Variants in SORL1 observed in about 807,000 individuals in gnomAD.
SORL1 encodes sortilin-related receptor.
Under a neutral mutation model 273.7 loss-of-function variants are expected in SORL1, and 127 were observed. The ratio of observed to expected loss-of-function variants is 0.46; its 90% CI spans 0.40 to 0.54. The LOEUF is 0.54. SORL1 is among the 20% of genes least tolerant of loss of function. SORL1 has a pLI of 0.00. For missense variants in SORL1, 2,494 were observed against 2,846.1 expected (o/e 0.88, Z 2.81); for synonymous variants, 1,031 against 1,067.4 (o/e 0.97, Z 0.66).
intron 2 of SORL1, among the ~76,000 whole-genome samples, chr11:121,477,388 C>A (rs926138403): frequency 2.0e-5 from 3 of 152,188 alleles, no homozygotes; most frequent in African/African-American, 7.2e-5. Flanking sequence ...TTTTGGGCAC[C>A]ATTCAACAGA....
chr11:121,619,145 A>G (rs912201958), intron 42 of SORL1, among the ~76,000 whole-genome samples: 1 of 152,230 alleles, frequency 6.6e-6, no homozygotes, highest in Non-Finnish European at 1.5e-5. Context: ...TAGATAAATC[A>G]AAAATTTTTA....
At position 121,614,976 on chromosome 11, in the gene SORL1, GCCC is replaced by G; in HGVS notation, c.5526_5528del (p.Pro1844del). 6.2e-7 allele frequency: 1 copy of G among 1,613,550 alleles called. No individual in the cohort carries two copies. Among genetic ancestry groups the G allele is most frequent in the South Asian group, 1.1e-5 (1 of 90,950 alleles). On this transcript the variant is annotated inframe_deletion, in exon 41 of 48. Transcript: ENST00000260197. Reference sequence around the variant, plus strand: ...GAGCATGTTATGACCAGAGGGGTTCGCCCACCTGCACCTAGCCTCAAGGCCAAA... The same window carrying G: ...GAGCATGTTATGACCAGAGGGGTTCGACCTGCACCTAGCCTCAAGGCCAAA...
intron 23 of SORL1, among the ~76,000 whole-genome samples, chr11:121,571,204 C>T (rs1037606242): frequency 6.6e-6 from 1 of 152,226 alleles, no homozygotes; most frequent in Non-Finnish European, 1.5e-5. Context: ...TGGGCAGGCC[C>T]TAGCAAAGAG....
At chr11:121,500,599 C>A (rs1861696067) in intron 6 of SORL1, among the ~76,000 whole-genome samples, 1 of 152,156 alleles carries the variant, frequency 6.6e-6, no homozygotes, top group Non-Finnish European at 1.5e-5. Context: ...GCTCCAAAAG[C>A]CTAAAATATC....
intron 30 of SORL1, chr11:121,590,581 G>A (rs1441112318): frequency 3.5e-6 from 2 of 575,048 alleles, no homozygotes; most frequent in African/African-American, 3.8e-5. Flanking sequence ...CATGTGGAAT[G>A]CAGACTTGCC....
At chr11:121,542,882 A>G (rs1862367523) in intron 12 of SORL1, among the ~76,000 whole-genome samples, 1 of 150,810 alleles carries the variant, frequency 6.6e-6, no homozygotes, top group African/African-American at 2.4e-5. Flanking sequence ...TTCTAATATA[A>G]GAAAAAAATT....
chr11:121,613,541 CTTT>C (rs58079623), intron 40 of SORL1, among the ~76,000 whole-genome samples: 1 of 147,004 alleles, frequency 6.8e-6, no homozygotes, highest in Non-Finnish European at 1.5e-5. Flanking sequence ...TCTATTGTTA[CTTT>C]TTTTTTTTAA....
At chr11:121,599,564 A>G (rs114705358) in intron 32 of SORL1, among the ~76,000 whole-genome samples, 545 of 152,276 alleles carry the variant, frequency 3.6e-3, no homozygotes, top group African/African-American at 0.012. Context: ...AATAAACCAA[A>G]TAAATTCAGA....
intron 5 of SORL1, among the ~76,000 whole-genome samples, chr11:121,493,332 C>A (rs1203074898): frequency 6.6e-6 from 1 of 152,156 alleles, no homozygotes; most frequent in Non-Finnish European, 1.5e-5. Flanking sequence ...TCTTGGCTCA[C>A]AGCAACCTCT....
At chr11:121,487,275 G>T (rs2134809647) in intron 3 of SORL1, among the ~76,000 whole-genome samples, 1 of 152,342 alleles carries the variant, frequency 6.6e-6, no homozygotes. Context: ...CTGAGCGTCT[G>T]GTCCGTGGTG....
At chr11:121,453,498 T>C (rs17125349) in intron 1 of SORL1, among the ~76,000 whole-genome samples, 8,345 of 151,920 alleles carry the variant, frequency 0.055, 683 homozygotes, top group African/African-American at 0.18. Flanking sequence ...GCAGTTAAGA[T>C]TGACATCAGC....
intron 32 of SORL1, among the ~76,000 whole-genome samples, chr11:121,599,899 A>G (rs1863360796): frequency 6.6e-6 from 1 of 151,014 alleles, no homozygotes; most frequent in South Asian, 2.1e-4. Context: ...TTTGTTTTTC[A>G]CTTTGCTTTA....
chr11:121,506,329 A>T (rs189494273), intron 6 of SORL1, among the ~76,000 whole-genome samples: 1 of 152,278 alleles, frequency 6.6e-6, no homozygotes, highest in East Asian at 1.9e-4. Flanking sequence ...GACATACCCA[A>T]CACTGGGCAA....
chr11:121,486,122 T>C (rs1861467621), intron 3 of SORL1, among the ~76,000 whole-genome samples: 1 of 152,198 alleles, frequency 6.6e-6, no homozygotes, highest in Admixed American at 6.5e-5. Context: ...TTCGAGAAAG[T>C]GTCCTTGGGC....
intron 14 of SORL1, 29 bp from the exon 15 acceptor site, chr11:121,549,931 G>T (rs376639440): frequency 6.2e-7 from 1 of 1,610,272 alleles, no homozygotes; most frequent in Non-Finnish European, 8.5e-7. Flanking sequence ...TAAAACCGTG[G>T]CCTTAACAAA....
chr11:121,585,500 T>TACACACACACACACAC (rs58254356), intron 26 of SORL1, among the ~76,000 whole-genome samples: 18 of 137,486 alleles, frequency 1.3e-4, no homozygotes, highest in African/African-American at 4.2e-4. Context: ...AAAATGTATA[T>TACACACACACACACAC]ACACACACAC....
intron 32 of SORL1, among the ~76,000 whole-genome samples, chr11:121,603,287 C>G (rs180779638): frequency 6.6e-6 from 1 of 152,154 alleles, no homozygotes; most frequent in Non-Finnish European, 1.5e-5. Context: ...CCTTCCTTGT[C>G]CAGGACTGGG....
At chr11:121,477,791 A>G (rs1445109642) in intron 2 of SORL1, among the ~76,000 whole-genome samples, 1 of 152,126 alleles carries the variant, frequency 6.6e-6, no homozygotes, top group African/African-American at 2.4e-5. Flanking sequence ...GCACTTTGGG[A>G]GGCCAAGGCA....
At position 121,605,201 on chromosome 11, in the gene SORL1, A is replaced by T; in HGVS notation, c.4740A>T (p.Lys1580Asn). Residue 1580 changes from lysine to asparagine, a missense_variant, in exon 34 of 48, where the codon AAA (lysine) becomes AAT (asparagine). By Grantham distance (94) the Lys-to-Asn change is moderately conservative. This residue lies in a region of SORL1 where 1,609 missense variants were observed against 1,816.4 expected (regional missense o/e 0.89). Transcript: ENST00000260197. Reference protein sequence around the residue: ...DVTLTWMRPKKMPSASCVYNV... With the variant: ...DVTLTWMRPKNMPSASCVYNV... The stretch of plus-strand genomic sequence containing the variant: ...CTTTGACCTGGATGAGGCCCAAAAA[A>T]ATGCCCTCTGCTTCTTGTGTATATA... 6.2e-7 allele frequency: 1 copy of T among 1,613,986 alleles called. No individual in the cohort carries two copies. The highest frequency in any genetic ancestry group is 8.5e-7 in the Non-Finnish European group (1 of 1,179,926).
Sources: gnomAD v4.1 joint callset for allele counts (sites outside exome capture counted in the v4.1 genomes callset) on GRCh38, gnomAD v4.1.1 for gene constraint, gnomAD v4.1.1 regional missense constraint, MANE v1.5 for transcripts, NCBI Gene and HGNC (gene_info 2026-07-23, HGNC 2026-07-21) for gene names.